ELN: variants seen among roughly 807,000 people sequenced by gnomAD.
ELN encodes elastin.
ELN carries 65 observed loss-of-function variants against 105.8 expected under a neutral mutation model. The observed-to-expected ratio is 0.61, with a 90% CI of 0.50 to 0.75. The LOEUF is 0.75. Among genes scored for constraint, ELN ranks in the 30% least tolerant of loss-of-function variants. ELN has a pLI of 0.00. For missense variants in ELN, 882 were observed against 969.4 expected (o/e 0.91, Z 1.20); for synonymous variants, 368 against 389.2 (o/e 0.95, Z 0.64).
rs150248865 is a variant in ELN at position 74,060,394 on chromosome 7, G to A, written c.1640G>A (p.Gly547Asp). 1.2e-5 allele frequency: 19 copies of A among 1,614,050 alleles called. No individual in the cohort carries two copies. In the South Asian group the frequency reaches 1.8e-4, roughly 15 times the overall value. The change falls in exon 25 of 33, where the codon GGT (glycine) becomes GAT (aspartate). Residue 547 changes from glycine (G) to aspartate (D), a missense_variant. Physicochemically the swap from Gly to Asp is moderately conservative, Grantham distance 94. Transcript: ENST00000252034. ...TCTGCAGGAGCTGCAGCTGGGCTTG[G>A]TGCTGGCATCCCTGGACTTGGAGTT... ...KAQLRAAAGL[G>D]AGIPGLGVGV...
At chr7:74,031,819 GGAGA>G (rs1169596003) in intron 1 of ELN, among the ~76,000 whole-genome samples, 5 of 145,832 alleles carry the variant, frequency 3.4e-5, no homozygotes, top group African/African-American at 5.1e-5. Context: ...GAGAGAGAAA[GGAGA>G]GAGAGAGAGA....
chr7:74,063,164 C>T lies in ELN; in HGVS notation c.1798C>T (p.Pro600Ser). 3 of 1,607,786 alleles carry T rather than the reference C, an allele frequency of 1.9e-6. No individual in the cohort carries two copies. The highest frequency in any genetic ancestry group is 2.5e-6 in the Non-Finnish European group (3 of 1,178,124). The stretch of plus-strand genomic sequence containing the variant: ...TCCTCTCCCCGCAGGAGCAGCAGTG[C>T]CTGGGGTCCTTGGAGGGCTCGGGGC... Reference protein sequence around the residue: ...AKAAKYGAAVPGVLGGLGALG... With the variant: ...AKAAKYGAAVSGVLGGLGALG... The change falls in exon 27 of 33, where the codon CCT becomes TCT. Residue 600 changes from proline to serine, a missense_variant. Pro to Ser is a moderately conservative substitution (Grantham distance 74). Coordinates refer to ENST00000252034, the MANE Select transcript of ELN (RefSeq NM_000501.4). This position sits in a 1 kb window ranked among gnomAD's most constrained non-coding sequence, Gnocchi z 4.1.
At chr7:74,042,583 T>C in intron 5 of ELN, 31 bp from the exon 6 acceptor site, 1 of 1,604,452 alleles carries the variant, frequency 6.2e-7, no homozygotes, top group Non-Finnish European at 8.5e-7. Flanking sequence ...GTGTGGTAGC[T>C]CAGGACCTCA....
At chr7:74,064,225 CTAACA>C (rs1554687421) in intron 29 of ELN, among the ~76,000 whole-genome samples, 6 of 151,136 alleles carry the variant, frequency 4.0e-5, no homozygotes, top group Non-Finnish European at 8.8e-5. Context: ...ACCATCCTGG[CTAACA>C]CAGTGAAACC....
At chr7:74,041,298 C>T (rs1240508681) in intron 5 of ELN, 47 bp downstream of exon 5, 3 of 1,611,300 alleles carry the variant, frequency 1.9e-6, no homozygotes, top group South Asian at 1.1e-5. Context: ...GGACCAGCCC[C>T]TGAGCTCAAC....
chr7:74,045,336 C>T, intron 10 of ELN, 43 bp downstream of exon 10: 1 of 1,608,156 alleles, frequency 6.2e-7, no homozygotes, highest in Admixed American at 1.7e-5. Flanking sequence ...AGGGACTCTC[C>T]AACCACCTTC....
intron 1 of ELN, among the ~76,000 whole-genome samples, chr7:74,029,763 C>T (rs895018810): frequency 1.3e-5 from 2 of 152,216 alleles, no homozygotes; most frequent in Admixed American, 1.3e-4. Context: ...CACCCAGCCA[C>T]CCTTCTTCCC....
Position 74,063,607 on chromosome 7 carries a change from A to T in ELN, c.1919-14A>T. 4 of 1,614,168 alleles carry T rather than the reference A, an allele frequency of 2.5e-6. No homozygotes were observed. Among genetic ancestry groups the T allele is most frequent in the Admixed American group, 1.7e-5 (1 of 60,012 alleles). ...TTCTGACCAGCGGAGTCTAATGCTC[A>T]GCTGTCTCCACAGGCCTAGTGGGAG... On this transcript the variant is annotated splice_polypyrimidine_tract_variant and intron_variant, in intron 28 of 32. Coordinates refer to ENST00000252034, the MANE Select transcript of ELN (RefSeq NM_000501.4). The surrounding 1 kb of genome is among the most constrained non-coding windows in gnomAD (Gnocchi z 4.1).
intron 17 of ELN, chr7:74,052,666 G>T (rs1055395813): frequency 7.1e-6 from 1 of 139,958 alleles, no homozygotes; most frequent in African/African-American, 2.9e-5. Context: ...AGGAAAGACG[G>T]AAGGAAGGAA....
At chr7:74,050,605 G>T (rs1339727538) in intron 15 of ELN, among the ~76,000 whole-genome samples, 5 of 150,626 alleles carry the variant, frequency 3.3e-5, no homozygotes, top group Middle Eastern at 3.2e-3. Flanking sequence ...ATTCACCCAT[G>T]CATTCATTCA....
chr7:74,028,340 C>T, intron 1 of ELN, 71 bp downstream of exon 1: 1 of 1,520,006 alleles, frequency 6.6e-7, no homozygotes, highest in Non-Finnish European at 8.9e-7. Context: ...TGACTAGACG[C>T]TCAAGGGGGA....
At chr7:74,028,339 G>C in intron 1 of ELN, 70 bp downstream of exon 1, 1 of 1,518,774 alleles carries the variant, frequency 6.6e-7, no homozygotes, top group Non-Finnish European at 8.9e-7. Flanking sequence ...GTGACTAGAC[G>C]CTCAAGGGGG....
intron 15 of ELN, among the ~76,000 whole-genome samples, chr7:74,051,045 A>G (rs527516729): frequency 1.3e-5 from 2 of 152,342 alleles, no homozygotes; most frequent in South Asian, 2.1e-4. Context: ...GTTCTTGGCT[A>G]GCATGGCTGC....
intron 17 of ELN, chr7:74,052,388 G>C (rs1258725720): frequency 3.8e-6 from 1 of 262,526 alleles, no homozygotes; most frequent in Non-Finnish European, 7.5e-6. Flanking sequence ...TTTGAGACCA[G>C]CCTGAGCAAC....
chr7:74,068,331 T>C (rs927332618), intron 32 of ELN, among the ~76,000 whole-genome samples: 1 of 152,228 alleles, frequency 6.6e-6, no homozygotes, highest in Non-Finnish European at 1.5e-5. Context: ...TTGATGGAGC[T>C]GCTCTTAGCC....
At chr7:74,041,900 C>T (rs574653087) in intron 5 of ELN, among the ~76,000 whole-genome samples, 44 of 152,122 alleles carry the variant, frequency 2.9e-4, no homozygotes, top group African/African-American at 9.6e-4. Flanking sequence ...CCACCACGCT[C>T]GGCTAATTTT....
chr7:74,067,594 C>T (rs184014645), intron 32 of ELN, among the ~76,000 whole-genome samples: 17,495 of 151,598 alleles, frequency 0.12, 1,011 homozygotes, highest in African/African-American at 0.13. Flanking sequence ...AAAAATTAGC[C>T]GGGCATGGTG....
chr7:74,028,376 G>T, intron 1 of ELN, 107 bp downstream of exon 1: 1 of 1,337,054 alleles, frequency 7.5e-7, no homozygotes, highest in Non-Finnish European at 1.0e-6. Flanking sequence ...GAACTGCAAG[G>T]GGTCCCAGGT....
chr7:74,039,692 G>A (rs563577323), intron 4 of ELN, among the ~76,000 whole-genome samples: 2 of 152,264 alleles, frequency 1.3e-5, no homozygotes, highest in Non-Finnish European at 2.9e-5. Flanking sequence ...AGAGGGGCAC[G>A]GGCATGGACA....
Sources: allele counts gnomAD v4.1 joint callset (sites outside exome capture counted in the v4.1 genomes callset), GRCh38; gene constraint gnomAD v4.1.1; non-coding constraint Gnocchi (gnomAD v3.1); transcripts MANE v1.5; gene names NCBI Gene and HGNC (gene_info 2026-07-23, HGNC 2026-07-21).